CTNNA3: variants seen among roughly 807,000 people sequenced by gnomAD.
CTNNA3 encodes the protein catenin alpha-3.
Under a neutral mutation model 95.7 loss-of-function variants are expected in CTNNA3, and 76 were observed. That is an observed-to-expected ratio of 0.79 (90% CI 0.66 to 0.96). CTNNA3 has a LOEUF of 0.96. Ranked by LOEUF, CTNNA3 falls within the 40% of genes least tolerant of loss-of-function variation. The probability of loss-of-function intolerance (pLI) is 0.00; values close to 1 mark genes in which losing one functional copy is unlikely to be tolerated. For synonymous variants in CTNNA3, 431 were observed against 374.4 expected (o/e 1.15, Z -1.74); for missense variants, 1,191 against 1,089.8 (o/e 1.09, Z -1.31).
At chr10:65,921,095 G>C (rs908557018) in intron 17 of CTNNA3, among the ~76,000 whole-genome samples, 1 of 152,090 alleles carries the variant, frequency 6.6e-6, no homozygotes, top group African/African-American at 2.4e-5. Context: ...TCTCTTCTGT[G>C]CTTTGTGGTA....
intron 5 of CTNNA3, among the ~76,000 whole-genome samples, chr10:67,489,807 C>A (rs10997661): frequency 7.5e-6 from 1 of 134,104 alleles, no homozygotes; most frequent in Non-Finnish European, 1.6e-5. Context: ...TATATATATA[C>A]ACACATTAGG....
chr10:66,210,389 G>A (rs986845363), intron 13 of CTNNA3, among the ~76,000 whole-genome samples: 2 of 151,336 alleles, frequency 1.3e-5, no homozygotes, highest in Non-Finnish European at 2.9e-5. Flanking sequence ...TTGAGTCCAG[G>A]GTTCTTGCAT....
chr10:66,020,737 T>C (rs1315001599), intron 15 of CTNNA3, among the ~76,000 whole-genome samples: 3 of 150,586 alleles, frequency 2.0e-5, no homozygotes, highest in African/African-American at 7.4e-5. Context: ...GCACGATCTC[T>C]GCTCACTCAC....
chr10:67,092,440 A>G (rs776187189), intron 7 of CTNNA3, among the ~76,000 whole-genome samples: 9 of 151,994 alleles, frequency 5.9e-5, no homozygotes, highest in Non-Finnish European at 8.8e-5. Context: ...TCTGTTCTTC[A>G]GAGTATTTTG....
intron 5 of CTNNA3, among the ~76,000 whole-genome samples, chr10:67,372,084 T>G (rs1259621495): frequency 1.3e-5 from 2 of 152,182 alleles, no homozygotes; most frequent in Non-Finnish European, 2.9e-5. Flanking sequence ...TGTTTTTTTT[T>G]TCTTGTAAAT....
At chr10:66,928,773 T>A (rs548989921) in intron 7 of CTNNA3, among the ~76,000 whole-genome samples, 1 of 152,208 alleles carries the variant, frequency 6.6e-6, no homozygotes, top group African/African-American at 2.4e-5. Flanking sequence ...ACTTCTTTCA[T>A]AAGTAATCCC....
At chr10:65,966,980 G>T (rs994271143) in intron 16 of CTNNA3, among the ~76,000 whole-genome samples, 1 of 151,964 alleles carries the variant, frequency 6.6e-6, no homozygotes, top group Non-Finnish European at 1.5e-5. Flanking sequence ...TTTTTGAGAT[G>T]GAGTCTCGCT....
At chr10:66,659,888 C>T (rs1362382100) in intron 9 of CTNNA3, among the ~76,000 whole-genome samples, 1 of 152,044 alleles carries the variant, frequency 6.6e-6, no homozygotes, top group Non-Finnish European at 1.5e-5. Flanking sequence ...TTTATAGCAG[C>T]CCAAATAGAC....
At chr10:66,022,096 A>T (rs1040849637) in intron 15 of CTNNA3, among the ~76,000 whole-genome samples, 1 of 151,868 alleles carries the variant, frequency 6.6e-6, no homozygotes, top group Non-Finnish European at 1.5e-5. Context: ...GGGCTCAAAC[A>T]ATCTTCCTGT....
chr10:66,024,107 T>TTTTTTTTTTTTTTTTTTTA (rs2079286099), intron 15 of CTNNA3, among the ~76,000 whole-genome samples: 2 of 146,900 alleles, frequency 1.4e-5, no homozygotes, highest in Admixed American at 6.8e-5. Flanking sequence ...TTTTTTTTTT[T>TTTTTTTTTTTTTTTTTTTA]GAGACGGAGT....
chr10:66,855,585 C>A (rs1293732618), intron 7 of CTNNA3, among the ~76,000 whole-genome samples: 1 of 151,890 alleles, frequency 6.6e-6, no homozygotes, highest in Non-Finnish European at 1.5e-5. Flanking sequence ...AAGGCCAAAT[C>A]CATGTTTATT....
In CTNNA3 at chr10:67,576,800, C is replaced by T. The variant is rs566223547; in HGVS notation, c.292+30057G>A. On this transcript the variant is annotated intron_variant, in intron 3 of 17. Coordinates refer to ENST00000433211, the MANE Select transcript of CTNNA3 (RefSeq NM_013266.4). ...ATTCCCACCTATGAGTGAGAACATG[C>T]GGTGTTTGGTTTTTTGTCCTTGCAA... 2.1e-4 allele frequency among the ~76,000 whole-genome samples: 23 copies of T among 107,186 alleles called. 1 individual carries two copies. The highest frequency in any genetic ancestry group is 9.1e-4 in the East Asian group (2 of 2,198). 70.3% of individuals were successfully genotyped at this position (107,186 alleles called of 152,430 possible).
Position 65,920,430 on chromosome 10 carries a change from TTC to T in CTNNA3, c.2586_2587del (p.Lys863AlafsTer25). 6.2e-7 allele frequency: 1 copy of T among 1,614,170 alleles called. No homozygotes were observed. Among genetic ancestry groups the T allele is most frequent in the East Asian group, 2.2e-5 (1 of 44,868 alleles). Reference sequence around the variant, plus strand: ...GACAGCTGCACACGTTTCCTCTGGCTTCTCTCTTTTAATCAAGGGTTTTTTTG... The same window carrying T: ...GACAGCTGCACACGTTTCCTCTGGCTTCTCTTTTAATCAAGGGTTTTTTTG... On this transcript the variant is annotated frameshift_variant, in exon 18 of 18. Coordinates refer to ENST00000433211, the MANE Select transcript of CTNNA3 (RefSeq NM_013266.4). LOFTEE classifies it high-confidence loss of function.
At chr10:67,168,845 C>G (rs1303185876) in intron 7 of CTNNA3, among the ~76,000 whole-genome samples, 3 of 152,186 alleles carry the variant, frequency 2.0e-5, no homozygotes, top group Admixed American at 2.0e-4. Flanking sequence ...CAAACTATCT[C>G]TGTTAGCAGA....
chr10:67,148,617 G>A (rs940574870), intron 7 of CTNNA3, among the ~76,000 whole-genome samples: 2 of 152,114 alleles, frequency 1.3e-5, no homozygotes, highest in African/African-American at 4.8e-5. Flanking sequence ...ATAGAGAAAT[G>A]AAAATACTCA....
At chr10:67,072,438 G>A (rs1292374085) in intron 7 of CTNNA3, among the ~76,000 whole-genome samples, 1 of 151,926 alleles carries the variant, frequency 6.6e-6, no homozygotes, top group Non-Finnish European at 1.5e-5. Flanking sequence ...GTATGTCTAC[G>A]TACTCTTTTA....
chr10:67,423,337 C>T (rs1305397779), intron 5 of CTNNA3, among the ~76,000 whole-genome samples: 3 of 152,148 alleles, frequency 2.0e-5, no homozygotes, highest in Admixed American at 6.6e-5. Flanking sequence ...CAAGATTTTA[C>T]ATGACCCAGG....
intron 5 of CTNNA3, among the ~76,000 whole-genome samples, chr10:67,246,184 G>T (rs199960900): frequency 6.6e-6 from 1 of 152,108 alleles, no homozygotes; most frequent in Non-Finnish European, 1.5e-5. Flanking sequence ...CTCAAGAACT[G>T]TACGCAGAGC....
chr10:67,389,699 A>G (rs1473893178), intron 5 of CTNNA3, among the ~76,000 whole-genome samples: 4 of 148,726 alleles, frequency 2.7e-5, no homozygotes, highest in African/African-American at 9.9e-5. Flanking sequence ...CAGAAATTAT[A>G]ACAAACTATC....
Sources: allele counts gnomAD v4.1 joint callset (sites outside exome capture counted in the v4.1 genomes callset), GRCh38; gene constraint gnomAD v4.1.1; transcripts MANE v1.5; gene names NCBI Gene and HGNC (gene_info 2026-07-23, HGNC 2026-07-21).